The following ATP2B1 variants were observed in gnomAD, a reference collection of about 807,000 sequenced individuals.
The protein encoded by ATP2B1 is plasma membrane calcium-transporting ATPase 1.
In ATP2B1, 14 loss-of-function variants were observed where a neutral mutation model predicts 124.2. That is an observed-to-expected ratio of 0.11 (90% CI 0.07 to 0.18). ATP2B1 has a LOEUF of 0.18. Among genes scored for constraint, ATP2B1 ranks in the 10% least tolerant of loss-of-function variants. ATP2B1 has a pLI of 1.00. For synonymous variants in ATP2B1, 449 were observed against 492.4 expected (o/e 0.91, Z 1.17); for missense variants, 763 against 1,466.1 (o/e 0.52, Z 7.83).
intron 20 of ATP2B1, chr12:89,594,354 T>C (rs1874160160): frequency 6.6e-6 from 1 of 151,920 alleles, no homozygotes. Flanking sequence ...ATACTTTAGG[T>C]AGGAAGGAAA....
chr12:89,597,891 AAACTT>A (rs1874953114), intron 20 of ATP2B1, among the ~76,000 whole-genome samples: 1 of 152,024 alleles, frequency 6.6e-6, no homozygotes, highest in African/African-American at 2.4e-5. Flanking sequence ...ACTTCTACTG[AAACTT>A]AACAGAACAT....
chr12:89,654,895 T>C (rs868404499), intron 2 of ATP2B1, among the ~76,000 whole-genome samples: 42 of 152,274 alleles, frequency 2.8e-4, no homozygotes, highest in African/African-American at 1.0e-3. Context: ...CTCATATGTG[T>C]CCCTTCCCAT....
intron 2 of ATP2B1, among the ~76,000 whole-genome samples, chr12:89,649,843 T>C (rs1054471779): frequency 1.3e-5 from 2 of 152,188 alleles, no homozygotes; most frequent in Non-Finnish European, 2.9e-5. Context: ...TTTAGCACCA[T>C]CCCCTTGGTG....
At chr12:89,708,153 A>AG (rs1024360349) in intron 1 of ATP2B1, among the ~76,000 whole-genome samples, 3 of 152,094 alleles carry the variant, frequency 2.0e-5, no homozygotes, top group Admixed American at 6.5e-5. Flanking sequence ...CAAGGATTAG[A>AG]GGGGTGACCC....
intron 12 of ATP2B1, among the ~76,000 whole-genome samples, chr12:89,612,389 C>G (rs941328625): frequency 1.3e-5 from 2 of 151,456 alleles, no homozygotes; most frequent in Non-Finnish European, 2.9e-5. Flanking sequence ...AATTAAAATG[C>G]CTAAAGGATC....
chr12:89,606,276 T>C (rs1318274378), intron 15 of ATP2B1, among the ~76,000 whole-genome samples: 2 of 152,158 alleles, frequency 1.3e-5, no homozygotes, highest in African/African-American at 2.4e-5. Flanking sequence ...TAAAGCCTTA[T>C]ATTAAAAAAA....
chr12:89,668,188 C>T (rs751619692), intron 1 of ATP2B1, among the ~76,000 whole-genome samples: 3 of 152,102 alleles, frequency 2.0e-5, no homozygotes, highest in East Asian at 1.9e-4. Flanking sequence ...TTTGTACCTC[C>T]GGAGGTTTTC....
At chr12:89,605,367 A>G (rs1220459224) in intron 15 of ATP2B1, among the ~76,000 whole-genome samples, 2 of 152,214 alleles carry the variant, frequency 1.3e-5, no homozygotes, top group Non-Finnish European at 2.9e-5. Context: ...CTCTGCCCTC[A>G]TGTATGGATT....
chr12:89,661,788 C>T (rs1215766781), intron 1 of ATP2B1, among the ~76,000 whole-genome samples: 1 of 152,158 alleles, frequency 6.6e-6, no homozygotes, highest in Non-Finnish European at 1.5e-5. Flanking sequence ...ATCAATTCCA[C>T]TTCCTTTGCA....
In ATP2B1 at chr12:89,624,200, G is replaced by GT; in HGVS notation, c.1326dup (p.Leu443ThrfsTer12). On this transcript the variant is annotated frameshift_variant, in exon 9 of 21. Transcript: ENST00000428670. LOFTEE classifies it high-confidence loss of function. ...CTACTTACTTTGACTGAATAAGCCA[G>GT]TGAGATCGTGACTGCAAGTGGAAGA... The GT allele has an allele frequency of 6.2e-7, 1 of 1,614,056 alleles. No homozygotes were observed. The highest frequency in any genetic ancestry group is 8.5e-7 in the Non-Finnish European group (1 of 1,179,944).
At chr12:89,680,884 T>C (rs1889265296) in intron 1 of ATP2B1, among the ~76,000 whole-genome samples, 1 of 151,922 alleles carries the variant, frequency 6.6e-6, no homozygotes. Context: ...TTCAAAAACA[T>C]ACAAAGAAAG....
chr12:89,705,236 G>A (rs1250907520), intron 1 of ATP2B1, among the ~76,000 whole-genome samples: 2 of 151,626 alleles, frequency 1.3e-5, no homozygotes, highest in Non-Finnish European at 2.9e-5. Context: ...TATTTTCCTG[G>A]CAATGTCACC....
At chr12:89,607,252 T>C (rs749554620) in intron 15 of ATP2B1, among the ~76,000 whole-genome samples, 2 of 152,208 alleles carry the variant, frequency 1.3e-5, no homozygotes, top group Admixed American at 6.5e-5. Flanking sequence ...TGAATTCTTC[T>C]AGCTTCGTAT....
At chr12:89,643,978 CG>C (rs1338025447) in intron 2 of ATP2B1, among the ~76,000 whole-genome samples, 8 of 151,990 alleles carry the variant, frequency 5.3e-5, no homozygotes, top group African/African-American at 1.9e-4. Flanking sequence ...AAAAATTAAC[CG>C]GGTATGGTGG....
chr12:89,709,249 C>G (rs1892928641), upstream of ATP2B1: 1 of 151,586 alleles, frequency 6.6e-6, no homozygotes, highest in Non-Finnish European at 1.5e-5. Flanking sequence ...CTTTTCTCCA[C>G]ACCCACACGC....
chr12:89,624,108 G>T (rs928720485), intron 9 of ATP2B1, 75 bp downstream of exon 9: 15 of 1,298,736 alleles, frequency 1.2e-5, no homozygotes, highest in South Asian at 9.7e-5. Flanking sequence ...CAGAAAAGGA[G>T]TAACTAGATG....
At chr12:89,609,307 G>T (rs1877553580) in intron 15 of ATP2B1, among the ~76,000 whole-genome samples, 1 of 152,196 alleles carries the variant, frequency 6.6e-6, no homozygotes, top group Admixed American at 6.5e-5. Flanking sequence ...CATCAGTTCA[G>T]AACAAATTTT....
intron 2 of ATP2B1, among the ~76,000 whole-genome samples, chr12:89,642,616 T>C (rs1181995468): frequency 6.6e-6 from 1 of 152,100 alleles, no homozygotes; most frequent in African/African-American, 2.4e-5. Flanking sequence ...ATTTTGCTTG[T>C]TTTTTTGAGA....
rs928674715 is a variant in ATP2B1, at chr12:89,694,312, C to CA, written c.-222+14283dup. Among the ~76,000 whole-genome samples, 35 of 152,300 alleles carry CA rather than the reference C, an allele frequency of 2.3e-4. 1 individual carries two copies. The highest frequency in any genetic ancestry group is 8.4e-4 in the African/African-American group (35 of 41,566). On this transcript the variant is annotated intron_variant, in intron 1 of 20. Transcript: ENST00000428670. ...TGTCACCTTAATTTTAAAAAATCCC[C>CA]AATGCCACTATAATCTATGACTTTT... is the stretch of plus-strand genomic sequence containing the variant.
Sources: gnomAD v4.1 joint callset for allele counts (sites outside exome capture counted in the v4.1 genomes callset) on GRCh38, gnomAD v4.1.1 for gene constraint, MANE v1.5 for transcripts, NCBI Gene and HGNC (gene_info 2026-07-23, HGNC 2026-07-21) for gene names.